The following SEPHS1 variants were observed in gnomAD, a reference collection of about 807,000 sequenced individuals.
The protein encoded by SEPHS1 is selenophosphate synthetase 1, also known as zincore component SEPHS1.
Under a neutral mutation model 39.2 loss-of-function variants are expected in SEPHS1, and 7 were observed. The observed-to-expected ratio is 0.18, with a 90% CI of 0.10 to 0.34. The LOEUF (loss-of-function observed/expected upper bound fraction) is 0.34, where lower values mean the gene tolerates loss of function less well. Among genes scored for constraint, SEPHS1 ranks in the 10% least tolerant of loss-of-function variants. The pLI is 1.00. For missense variants in SEPHS1, 253 were observed against 514.5 expected, an observed-to-expected ratio of 0.49 and a Z score of 4.92; for synonymous variants, 190 against 195.5, an observed-to-expected ratio of 0.97 and a Z score of 0.23.
At chr10:13,328,325 C>T (rs371046448) in intron 7 of SEPHS1, 26 bp downstream of exon 7, 36 of 1,492,480 alleles carry the variant, frequency 2.4e-5, no homozygotes, top group African/African-American at 1.7e-4. Flanking sequence ...CCCCTGGGAC[C>T]GAAGCGCCCT....
rs570917543 is a variant in SEPHS1 at position 13,340,123 on chromosome 10, G to A, written c.194-1315C>T. ...AATATTCTGCGTAAGTGAAAGGGCC[G>A]TGAAGCACTGCCTCACTCGGTCTCA... is the stretch of plus-strand genomic sequence containing the variant. On this transcript the variant is annotated intron_variant, in intron 2 of 8. Coordinates refer to ENST00000327347, the MANE Select transcript of SEPHS1 (RefSeq NM_012247.5). 1.4e-4 allele frequency among the ~76,000 whole-genome samples: 21 copies of A among 152,214 alleles called. 1 individual carries two copies. In the South Asian group the frequency reaches 4.4e-3, roughly 32 times the overall value.
At position 13,348,086 on chromosome 10, in the gene SEPHS1, G is replaced by C. The variant is rs1350939694; in HGVS notation, c.-165C>G. On this transcript the variant is annotated 5_prime_UTR_variant, in exon 1 of 9. Transcript: ENST00000327347. Reference sequence around the variant, plus strand: ...ACCGGGCGCGGCCGGGCTCCCTTAAGCGTCGCCTGAATAAAAATGCCGCGC... The same window carrying C: ...ACCGGGCGCGGCCGGGCTCCCTTAACCGTCGCCTGAATAAAAATGCCGCGC... The C allele has an allele frequency of 6.8e-6, 1 of 146,920 alleles. No homozygotes were observed. The highest frequency in any genetic ancestry group is 2.5e-5 in the African/African-American group (1 of 40,684). The allele number at this position is 146,920 out of a possible 1,614,324, so 9.1% of individuals were successfully genotyped here.
intron 4 of SEPHS1, among the ~76,000 whole-genome samples, chr10:13,335,249 C>G (rs1257421356): frequency 6.6e-6 from 1 of 152,248 alleles, no homozygotes; most frequent in East Asian, 1.9e-4. Context: ...CCGTCACCAT[C>G]TACGTCCACG....
chr10:13,320,582 G>A (rs1833079773), intron 8 of SEPHS1, among the ~76,000 whole-genome samples: 1 of 151,196 alleles, frequency 6.6e-6, no homozygotes, highest in Non-Finnish European at 1.5e-5. Context: ...GGTCACACGT[G>A]TAATCCCAGC....
intron 7 of SEPHS1, among the ~76,000 whole-genome samples, chr10:13,326,408 AG>A (rs985053723): frequency 6.6e-6 from 1 of 150,954 alleles, no homozygotes; most frequent in Non-Finnish European, 1.5e-5. Context: ...CGGAAGGCGG[AG>A]GTTGCGGTGA....
chr10:13,346,799 C>T (rs935469697), intron 1 of SEPHS1, among the ~76,000 whole-genome samples: 1 of 152,090 alleles, frequency 6.6e-6, no homozygotes, highest in Non-Finnish European at 1.5e-5. Flanking sequence ...TCTCCTGGCT[C>T]CCAAAAAGGT....
At position 13,328,249 on chromosome 10, in the gene SEPHS1, A is replaced by G. The variant is rs1019648997; in HGVS notation, c.751+102T>C. 4 of 780,104 alleles carry G rather than the reference A, an allele frequency of 5.1e-6. No homozygotes were observed. The Admixed American group carries it at 7.1e-5, about 14-fold the overall frequency. 48.3% of individuals were successfully genotyped at this position (780,104 alleles called of 1,614,324 possible). On this transcript the variant is annotated intron_variant, in intron 7 of 8. Transcript: ENST00000327347. ...GAAGACGGTCTGTAGTCACTGGCCA[A>G]AAATCTGGCCACCTACCCTGAGACA...
At chr10:13,339,780 T>A (rs1833736019) in intron 2 of SEPHS1, among the ~76,000 whole-genome samples, 1 of 152,136 alleles carries the variant, frequency 6.6e-6, no homozygotes, top group Non-Finnish European at 1.5e-5. Flanking sequence ...CAATACGATG[T>A]GAATGCGATG....
rs201321514 is a variant in SEPHS1 at position 13,339,225 on chromosome 10, CATT to C, written c.194-420_194-418del. Among the ~76,000 whole-genome samples, 1,010 of 152,240 alleles carry C rather than the reference CATT, an allele frequency of 6.6e-3. 24 individuals carry two copies. Among genetic ancestry groups the C allele is most frequent in the Non-Finnish European group, 3.2e-3 (217 of 68,008 alleles). ...GTTATTGTGCGTACATCTTTACAGA[CATT>C]ATCGTATTGTCCCATCAGAAACCAT... On this transcript the variant is annotated intron_variant, in intron 2 of 8. Coordinates refer to ENST00000327347, the MANE Select transcript of SEPHS1 (RefSeq NM_012247.5).
intron 4 of SEPHS1, among the ~76,000 whole-genome samples, 184 bp from the exon 5 acceptor site, chr10:13,334,155 T>C (rs1456563711): frequency 8.5e-5 from 13 of 152,192 alleles, no homozygotes; most frequent in African/African-American, 3.1e-4. Context: ...CCCAGCACTT[T>C]GGGAGTCCGA....
At chr10:13,334,671 C>A (rs1215684302) in intron 4 of SEPHS1, among the ~76,000 whole-genome samples, 1 of 152,014 alleles carries the variant, frequency 6.6e-6, no homozygotes, top group Non-Finnish European at 1.5e-5. Context: ...TCTCATCACA[C>A]CACTGCACTC....
At chr10:13,323,113 C>T (rs1486575036) in intron 7 of SEPHS1, 66 bp from the exon 8 acceptor site, 8 of 1,292,368 alleles carry the variant, frequency 6.2e-6, no homozygotes, top group Non-Finnish European at 8.9e-6. Context: ...CTTACGTCCA[C>T]AATTAATCTG....
intron 5 of SEPHS1, among the ~76,000 whole-genome samples, chr10:13,332,662 T>C (rs1283073757): frequency 6.6e-6 from 1 of 151,942 alleles, no homozygotes; most frequent in Non-Finnish European, 1.5e-5. Flanking sequence ...CCTAACATGG[T>C]GAAACCCCAT....
intron 3 of SEPHS1, 65 bp from the exon 4 acceptor site, chr10:13,336,415 G>T: frequency 4.3e-6 from 5 of 1,174,556 alleles, no homozygotes; most frequent in South Asian, 1.3e-5. Flanking sequence ...AACTGAGTGA[G>T]CCATGGAGTG....
intron 7 of SEPHS1, among the ~76,000 whole-genome samples, chr10:13,325,244 T>C (rs1393746704): frequency 1.3e-5 from 2 of 152,214 alleles, no homozygotes; most frequent in African/African-American, 4.8e-5. Context: ...CCACCTCAAT[T>C]TTCTCTGATG....
rs1322251291 is a variant in SEPHS1 at position 13,318,322 on chromosome 10, T to A, written c.*820A>T. 1 of 152,642 alleles carries A rather than the reference T, an allele frequency of 6.6e-6. No individual in the cohort carries two copies. Among genetic ancestry groups the A allele is most frequent in the Non-Finnish European group, 1.5e-5 (1 of 68,042 alleles). The allele number at this position is 152,642 out of a possible 1,614,324, so 9.5% of individuals were successfully genotyped here. A position where few individuals can be genotyped will look rare whatever the true frequency, so the allele number is the denominator to read the frequency against. On this transcript the variant is annotated 3_prime_UTR_variant, in exon 9 of 9. Coordinates refer to ENST00000327347, the MANE Select transcript of SEPHS1 (RefSeq NM_012247.5). Reference sequence around the variant, plus strand: ...TCCACAGAACAGTCTTTACTATTGATTATATTTAAAAATTATTTGTGTAAT... The same window carrying A: ...TCCACAGAACAGTCTTTACTATTGAATATATTTAAAAATTATTTGTGTAAT...
intron 2 of SEPHS1, among the ~76,000 whole-genome samples, chr10:13,339,127 T>C (rs1833720220): frequency 6.6e-6 from 1 of 152,236 alleles, no homozygotes; most frequent in Admixed American, 6.5e-5. Flanking sequence ...TACTGTAGCG[T>C]GTGACTGGTA....
At chr10:13,331,905 G>T (rs1057241738) in intron 5 of SEPHS1, among the ~76,000 whole-genome samples, 9 of 152,246 alleles carry the variant, frequency 5.9e-5, no homozygotes, top group Admixed American at 1.3e-4. Context: ...ACAAGTACTG[G>T]AGGGGTCATA....
At chr10:13,345,884 A>G (rs1371787637) in intron 1 of SEPHS1, among the ~76,000 whole-genome samples, 1 of 152,264 alleles carries the variant, frequency 6.6e-6, no homozygotes, top group Non-Finnish European at 1.5e-5. Context: ...CAAATAAAAA[A>G]TAAAAAAATA....
Sources: gnomAD v4.1 joint callset for allele counts (sites outside exome capture counted in the v4.1 genomes callset) on GRCh38, gnomAD v4.1.1 for gene constraint, MANE v1.5 for transcripts, NCBI Gene and HGNC (gene_info 2026-07-23, HGNC 2026-07-21) for gene names.